CNTLN: variants seen among roughly 807,000 people sequenced by gnomAD.
The protein encoded by CNTLN is centlein, centrosomal protein.
A neutral mutation model predicts 180.0 loss-of-function variants in CNTLN; 212 were observed. The observed-to-expected ratio is 1.18, with a 90% CI of 1.05 to 1.32. The LOEUF (loss-of-function observed/expected upper bound fraction) is 1.32. Among genes scored for constraint, CNTLN ranks in the 40% most tolerant of loss-of-function variants. CNTLN has a pLI of 0.00. For missense variants in CNTLN, 2,095 were observed against 1,610.9 expected (o/e 1.30, Z -5.14); for synonymous variants, 722 against 563.1 (o/e 1.28, Z -3.99).
At chr9:17,210,890 T>G (rs1264805453) in intron 2 of CNTLN, among the ~76,000 whole-genome samples, 1 of 152,180 alleles carries the variant, frequency 6.6e-6, no homozygotes, top group African/African-American at 2.4e-5. Flanking sequence ...TTGCCCACTT[T>G]TTGATGGGGT....
chr9:17,217,644 A>G (rs1587203400), intron 2 of CNTLN, among the ~76,000 whole-genome samples: 1 of 152,256 alleles, frequency 6.6e-6, no homozygotes, highest in Non-Finnish European at 1.5e-5. Flanking sequence ...AGAAACTTCT[A>G]GATTCTGGGT....
At chr9:17,215,763 T>A (rs200852737) in intron 2 of CNTLN, among the ~76,000 whole-genome samples, 1 of 152,156 alleles carries the variant, frequency 6.6e-6, no homozygotes, top group East Asian at 1.9e-4. Flanking sequence ...GGGCACCCCT[T>A]CTCCAGCCTC....
At chr9:17,220,342 T>A (rs1356201415) in intron 2 of CNTLN, among the ~76,000 whole-genome samples, 1 of 152,046 alleles carries the variant, frequency 6.6e-6, no homozygotes, top group African/African-American at 2.4e-5. Flanking sequence ...CAGAATTTAT[T>A]TGGACATTAG....
At chr9:17,235,839 CT>C in intron 4 of CNTLN, 47 bp downstream of exon 4, 1 of 1,544,384 alleles carries the variant, frequency 6.5e-7, no homozygotes, top group Non-Finnish European at 8.7e-7. Context: ...CTTTGAAGTT[CT>C]GCTTTAAGCT....
intron 12 of CNTLN, among the ~76,000 whole-genome samples, chr9:17,358,445 A>T (rs888354835): frequency 6.6e-6 from 1 of 152,126 alleles, no homozygotes; most frequent in African/African-American, 2.4e-5. Context: ...ATTTTTGTAG[A>T]TGTATATGTA....
intron 5 of CNTLN, among the ~76,000 whole-genome samples, chr9:17,248,305 G>C (rs889004190): frequency 1.3e-5 from 2 of 151,904 alleles, no homozygotes; most frequent in African/African-American, 2.4e-5. Context: ...CAGTTTTAGA[G>C]GGTTTGGTAT....
At chr9:17,180,322 A>G (rs1258451129) in intron 2 of CNTLN, among the ~76,000 whole-genome samples, 2 of 143,074 alleles carry the variant, frequency 1.4e-5, no homozygotes, top group South Asian at 4.3e-4. Flanking sequence ...ATCTCTTTGT[A>G]TATATCTTTA....
At chr9:17,300,083 C>G (rs1224639160) in intron 7 of CNTLN, 1 of 152,136 alleles carries the variant, frequency 6.6e-6, no homozygotes, top group Non-Finnish European at 1.5e-5. Context: ...GGTTCAATAT[C>G]CCTTATCTGA....
intron 24 of CNTLN, among the ~76,000 whole-genome samples, chr9:17,485,296 C>T: frequency 6.6e-6 from 1 of 152,094 alleles, no homozygotes; most frequent in South Asian, 2.1e-4. Context: ...CTGGCCCCCT[C>T]TTCAGCTTCT....
At chr9:17,380,154 G>T (rs1361574179) in intron 13 of CNTLN, among the ~76,000 whole-genome samples, 2 of 152,110 alleles carry the variant, frequency 1.3e-5, no homozygotes, top group South Asian at 2.1e-4. Context: ...TTGGTCAAGT[G>T]GATCAACATA....
the CNTLN span, among the ~76,000 whole-genome samples, chr9:17,519,242 G>A: frequency 1.2e-5 from 1 of 84,876 alleles, no homozygotes; most frequent in Non-Finnish European, 2.6e-5. Flanking sequence ...TGAGATTTGA[G>A]TGTTTTTTTT....
At chr9:17,207,950 C>T (rs1351053578) in intron 2 of CNTLN, among the ~76,000 whole-genome samples, 1 of 152,110 alleles carries the variant, frequency 6.6e-6, no homozygotes, top group Non-Finnish European at 1.5e-5. Flanking sequence ...TTTGGATGCT[C>T]TTTATTTCAT....
intron 11 of CNTLN, 59 bp downstream of exon 11, chr9:17,341,007 T>C: frequency 7.0e-7 from 1 of 1,428,186 alleles, no homozygotes; most frequent in Non-Finnish European, 9.3e-7. Context: ...GGAGTAGCAT[T>C]ATATAGGTGT....
intron 2 of CNTLN, among the ~76,000 whole-genome samples, chr9:17,183,418 C>G (rs986315405): frequency 2.0e-5 from 3 of 151,240 alleles, no homozygotes; most frequent in African/African-American, 7.3e-5. Context: ...GGGTTGCAGT[C>G]TTATATGTAG....
chr9:17,336,385 A>G (rs1385844653), intron 10 of CNTLN, among the ~76,000 whole-genome samples: 1 of 152,192 alleles, frequency 6.6e-6, no homozygotes, highest in Non-Finnish European at 1.5e-5. Context: ...AACTGTATCT[A>G]TCTTATATTT....
the CNTLN span, among the ~76,000 whole-genome samples, chr9:17,511,646 TCTCA>T: frequency 3.2e-5 from 2 of 61,952 alleles, no homozygotes; most frequent in African/African-American, 8.9e-5. Flanking sequence ...TCTCTCTCTC[TCTCA>T]CACACACACA....
At chr9:17,176,610 G>A (rs1191170479) in intron 2 of CNTLN, among the ~76,000 whole-genome samples, 1 of 152,154 alleles carries the variant, frequency 6.6e-6, no homozygotes, top group East Asian at 1.9e-4. Flanking sequence ...AATGAATCAG[G>A]AAGTGGTGCT....
chr9:17,499,103 C>T (rs935792135), intron 25 of CNTLN, among the ~76,000 whole-genome samples: 18 of 152,220 alleles, frequency 1.2e-4, no homozygotes, highest in Middle Eastern at 3.4e-3. Flanking sequence ...AAAAATATGG[C>T]AAACAAATAA....
chr9:17,515,170 G>A, the CNTLN span, among the ~76,000 whole-genome samples: 26 of 152,080 alleles, frequency 1.7e-4, no homozygotes, highest in East Asian at 4.7e-3. Flanking sequence ...AGCAACATTT[G>A]GCCCTGCTGG....
Sources: gnomAD v4.1 joint callset for allele counts (sites outside exome capture counted in the v4.1 genomes callset) on GRCh38, gnomAD v4.1.1 for gene constraint, MANE v1.5 for transcripts, NCBI Gene and HGNC (gene_info 2026-07-23, HGNC 2026-07-21) for gene names.